The following METTL6 variants were observed in gnomAD, a reference collection of about 807,000 sequenced individuals.
METTL6 encodes methyltransferase 6, tRNA N3-cytidine, also known as tRNA N(3)-cytidine methyltransferase METTL6.
A neutral mutation model predicts 26.4 loss-of-function variants in METTL6; 22 were observed. The observed-to-expected ratio is 0.83, with a 90% CI of 0.59 to 1.19. The LOEUF (loss-of-function observed/expected upper bound fraction) is 1.19, where lower values mean the gene tolerates loss of function less well. Ranked by LOEUF, METTL6 falls within the 50% of genes most tolerant of loss-of-function variation. The probability of loss-of-function intolerance (pLI) is 0.00; values close to 1 mark genes in which losing one functional copy is unlikely to be tolerated. For synonymous variants in METTL6, 109 were observed against 116.2 expected (o/e 0.94, Z 0.40); for missense variants, 304 against 324.8 (o/e 0.94, Z 0.49).
intron 5 of METTL6, among the ~76,000 whole-genome samples, chr3:15,413,102 G>A (rs1700041607): frequency 6.6e-6 from 1 of 152,072 alleles, no homozygotes; most frequent in Admixed American, 6.6e-5. Flanking sequence ...AAAATTAGTT[G>A]GGTGTGGTGG....
At chr3:15,384,020 T>C in exon 7 of METTL6, 1 of 332,060 alleles carries the variant, frequency 3.0e-6, no homozygotes, top group South Asian at 2.2e-5. Flanking sequence ...AGACTGTAAG[T>C]TGAAAACAAA....
chr3:15,402,607 A>G (rs1348962396), intron 6 of METTL6, among the ~76,000 whole-genome samples: 1 of 151,808 alleles, frequency 6.6e-6, no homozygotes, highest in Non-Finnish European at 1.5e-5. Context: ...GGTGGCACAC[A>G]CCTGTAATCC....
intron 4 of METTL6, 194 bp from the exon 5 acceptor site, chr3:15,414,356 TC>T (rs1175770747): frequency 3.6e-5 from 46 of 1,287,986 alleles, no homozygotes; most frequent in Admixed American, 1.2e-4. Context: ...CTAAGACACT[TC>T]TTTTTTTTTT....
rs887460335 is a variant in METTL6 at position 15,427,478 on chromosome 3, A to G, written c.-201T>C. 4 of 452,950 alleles carry G rather than the reference A, an allele frequency of 8.8e-6. No individual in the cohort carries two copies. The highest frequency in any genetic ancestry group is 1.6e-5 in the Non-Finnish European group (4 of 247,598). 28.1% of individuals were successfully genotyped at this position (452,950 alleles called of 1,614,324 possible). A position where few individuals can be genotyped will look rare whatever the true frequency, so the allele number is the denominator to read the frequency against. On this transcript the variant is annotated 5_prime_UTR_variant, in exon 1 of 6. Coordinates refer to ENST00000383790, the MANE Select transcript of METTL6 (RefSeq NM_152396.4). ...AAACAACCCTAAACCAATTCTGAGGACCACGAATTCGGATTATCCGGGAGT... is the reference window on the plus strand; with the variant it reads ...AAACAACCCTAAACCAATTCTGAGGGCCACGAATTCGGATTATCCGGGAGT...
At chr3:15,406,806 T>C (rs191021577), downstream of METTL6, among the ~76,000 whole-genome samples, 1 of 151,458 alleles carries the variant, frequency 6.6e-6, no homozygotes. Context: ...TTTTTTGTAT[T>C]TTTAGTAGAG....
intron 6 of METTL6, among the ~76,000 whole-genome samples, chr3:15,397,113 G>A (rs1234699544): frequency 6.6e-6 from 1 of 152,194 alleles, no homozygotes; most frequent in African/African-American, 2.4e-5. Context: ...AGGCCTCCTT[G>A]AGCTGTGGTG....
intron 6 of METTL6, among the ~76,000 whole-genome samples, chr3:15,397,034 C>G (rs1052441118): frequency 1.3e-5 from 2 of 152,224 alleles, no homozygotes; most frequent in African/African-American, 4.8e-5. Flanking sequence ...ACATTTAAGT[C>G]TGCAGAGGTT....
chr3:15,386,524 G>A (rs1452451788), intron 6 of METTL6, among the ~76,000 whole-genome samples: 1 of 152,184 alleles, frequency 6.6e-6, no homozygotes, highest in Non-Finnish European at 1.5e-5. Context: ...CTTGACTTGA[G>A]GTTTTATACA....
In METTL6 at chr3:15,395,258, CTTCT is replaced by C. The variant is rs1332090124; in HGVS notation, c.*12-11075_*12-11072del. ...GATCCCTTTACCATTATGTAATGGC[CTTCT>C]TTGTCTCTTTTGATCTTTGTTGGTT... On this transcript the variant is annotated intron_variant, in intron 6 of 6. Coordinates refer to the METTL6 transcript ENST00000443029. Among the ~76,000 whole-genome samples the C allele has an allele frequency of 5.3e-5, 8 of 152,230 alleles. No homozygotes were observed. In the East Asian group the frequency reaches 7.7e-4, roughly 15 times the overall value.
intron 2 of METTL6, among the ~76,000 whole-genome samples, chr3:15,425,946 T>C (rs2061710370): frequency 6.6e-6 from 1 of 151,684 alleles, no homozygotes; most frequent in Admixed American, 6.6e-5. Context: ...CCTCTTCACA[T>C]TTTTTTTTCT....
rs373785631 is a variant in METTL6 at position 15,426,419 on chromosome 3, A to G, written c.93T>C (p.Asp31=). 247 of 1,614,242 alleles carry G rather than the reference A, an allele frequency of 1.5e-4. No individual in the cohort carries two copies. The highest frequency in any genetic ancestry group is 1.5e-3 in the Middle Eastern group (9 of 6,062). Residue 31 remains aspartate, a synonymous_variant, in exon 2 of 6, where the codon GAT becomes GAC. Transcript: ENST00000383790. The stretch of plus-strand genomic sequence containing the variant: ...CTTGTTCCAATTTCTGCTGTTTAAA[A>G]TCAGACACCAAAGTTTGGTCTCTTT... The part of the protein sequence containing the change: ...KLKRDQTLVS[D]FKQQKLEQEA...
chr3:15,405,408 A>T (rs1192967094), downstream of METTL6, among the ~76,000 whole-genome samples: 1 of 152,212 alleles, frequency 6.6e-6, no homozygotes, highest in Non-Finnish European at 1.5e-5. Context: ...TGATCTAGAA[A>T]ACACATTTGT....
intron 6 of METTL6, among the ~76,000 whole-genome samples, chr3:15,400,409 C>A (rs1279698107): frequency 6.6e-6 from 1 of 152,120 alleles, no homozygotes; most frequent in Non-Finnish European, 1.5e-5. Context: ...GTGTGTCTTT[C>A]CTCTTGTTAA....
Position 15,426,202 on chromosome 3 carries a change from G to C in METTL6, c.225+85C>G, listed in dbSNP as rs1038144375. 6.1e-5 allele frequency: 83 copies of C among 1,353,106 alleles called. No homozygotes were observed. In the Admixed American group the frequency reaches 7.2e-4, roughly 12 times the overall value. 83.8% of individuals were successfully genotyped at this position (1,353,106 alleles called of 1,614,324 possible). A position where few individuals can be genotyped will look rare whatever the true frequency, so the allele number is the denominator to read the frequency against. ...GATCCGCCTGCCTTGGCCTCCCCAAGTACTGGGATTACAGGCATGAGCCAT... is the reference window on the plus strand; with the variant it reads ...GATCCGCCTGCCTTGGCCTCCCCAACTACTGGGATTACAGGCATGAGCCAT... On this transcript the variant is annotated intron_variant, in intron 2 of 5. Coordinates refer to ENST00000383790, the MANE Select transcript of METTL6 (RefSeq NM_152396.4).
chr3:15,408,077 C>T (rs1356776898), downstream of METTL6, among the ~76,000 whole-genome samples: 1 of 152,164 alleles, frequency 6.6e-6, no homozygotes, highest in Non-Finnish European at 1.5e-5. Context: ...AATTTCCCTA[C>T]TTAAAATCGT....
At chr3:15,411,533 T>C in intron 5 of METTL6, 96 bp from the exon 6 acceptor site, 2 of 1,230,884 alleles carry the variant, frequency 1.6e-6, no homozygotes, top group South Asian at 3.4e-5. Flanking sequence ...GCTATTTTAA[T>C]ATTTTTTTAA....
intron 6 of METTL6, among the ~76,000 whole-genome samples, chr3:15,397,419 C>A (rs569742309): frequency 1.4e-4 from 22 of 152,164 alleles, no homozygotes; most frequent in Non-Finnish European, 2.8e-4. Context: ...ATTCCCCTGA[C>A]CCCTTGTGCT....
intron 1 of METTL6, 56 bp downstream of exon 1, chr3:15,427,346 G>T (rs2061750081): frequency 8.8e-6 from 2 of 226,662 alleles, no homozygotes; most frequent in Non-Finnish European, 1.8e-5. Flanking sequence ...CACGCTCAGG[G>T]CTCACCGTCA....
At chr3:15,408,571 T>C (rs1699864074), downstream of METTL6, among the ~76,000 whole-genome samples, 1 of 144,718 alleles carries the variant, frequency 6.9e-6, no homozygotes, top group Non-Finnish European at 1.5e-5. Flanking sequence ...TCTTTTTTTT[T>C]TTTTTTTTCA....
Sources: gnomAD v4.1 joint callset for allele counts (sites outside exome capture counted in the v4.1 genomes callset) on GRCh38, gnomAD v4.1.1 for gene constraint, MANE v1.5 for transcripts, NCBI Gene and HGNC (gene_info 2026-07-23, HGNC 2026-07-21) for gene names.